Variants in SUCLG2 observed in about 807,000 individuals in gnomAD.
SUCLG2 encodes succinate--CoA ligase [GDP-forming] subunit beta, mitochondrial.
A neutral mutation model predicts 47.9 loss-of-function variants in SUCLG2; 42 were observed. That is an observed-to-expected ratio of 0.88 (90% CI 0.69 to 1.14). The LOEUF (loss-of-function observed/expected upper bound fraction) is 1.14. Among genes scored for constraint, SUCLG2 ranks in the 50% most tolerant of loss-of-function variants. The pLI, the probability that SUCLG2 is intolerant of heterozygous loss-of-function variation, is 0.00. For synonymous variants in SUCLG2, 195 were observed against 197.3 expected, an observed-to-expected ratio of 0.99 and a Z score of 0.10; for missense variants, 571 against 525.9, an observed-to-expected ratio of 1.09 and a Z score of -0.84.
At chr3:67,493,393 G>T (rs1477452616) in intron 9 of SUCLG2, among the ~76,000 whole-genome samples, 1 of 152,104 alleles carries the variant, frequency 6.6e-6, no homozygotes, top group Non-Finnish European at 1.5e-5. Flanking sequence ...ATCTACCCAA[G>T]ATGACAGTTA....
chr3:67,508,551 T>A (rs1489303627), intron 7 of SUCLG2, among the ~76,000 whole-genome samples: 1 of 152,212 alleles, frequency 6.6e-6, no homozygotes, highest in African/African-American at 2.4e-5. Flanking sequence ...ATTACAGGCA[T>A]GAGCCACCAC....
Position 67,527,577 on chromosome 3 carries a change from G to C in SUCLG2, c.417+555C>G, listed in dbSNP as rs567677454. ...TGACTGAGGCAGGCCACTTTCCTCTGGGCTTTATTTTCTATGTGTGGATGA... is the reference window on the plus strand; with the variant it reads ...TGACTGAGGCAGGCCACTTTCCTCTCGGCTTTATTTTCTATGTGTGGATGA... On this transcript the variant is annotated intron_variant, in intron 4 of 10. Transcript: ENST00000307227. Among the ~76,000 whole-genome samples, 15 of 152,200 alleles carry C rather than the reference G, an allele frequency of 9.9e-5. No individual in the cohort carries two copies. The East Asian group carries it at 2.7e-3, about 27-fold the overall frequency.
chr3:67,508,961 G>A, intron 6 of SUCLG2, 58 bp from the exon 7 acceptor site: 1 of 1,348,740 alleles, frequency 7.4e-7, no homozygotes, highest in African/African-American at 1.5e-5. Flanking sequence ...AATTTATTTT[G>A]CTGGATTAAT....
intron 2 of SUCLG2, among the ~76,000 whole-genome samples, chr3:67,533,902 A>G (rs1706467821): frequency 6.6e-6 from 1 of 151,718 alleles, no homozygotes; most frequent in Non-Finnish European, 1.5e-5. Context: ...CATGTCTGAC[A>G]TGGACTTTTC....
chr3:67,529,010 G>A, intron 3 of SUCLG2, 77 bp downstream of exon 3: 4 of 1,288,310 alleles, frequency 3.1e-6, no homozygotes, highest in Non-Finnish European at 4.4e-6. Flanking sequence ...ACCAACCTCA[G>A]TGTGCCTTTC....
At chr3:67,462,173 C>T (rs1414429812) in intron 9 of SUCLG2, among the ~76,000 whole-genome samples, 2 of 152,144 alleles carry the variant, frequency 1.3e-5, no homozygotes, top group Non-Finnish European at 2.9e-5. Context: ...ATCTCTCTCT[C>T]TCTCTCTCTG....
At chr3:67,541,642 T>G (rs544022949) in intron 2 of SUCLG2, among the ~76,000 whole-genome samples, 1 of 152,198 alleles carries the variant, frequency 6.6e-6, no homozygotes, top group South Asian at 2.1e-4. Flanking sequence ...CAGGCCAAAA[T>G]TCAAATTCAA....
intron 9 of SUCLG2, among the ~76,000 whole-genome samples, chr3:67,483,529 T>A (rs1046156137): frequency 6.6e-6 from 1 of 152,340 alleles, no homozygotes; most frequent in South Asian, 2.1e-4. Context: ...AGCAGATATA[T>A]TGCATAATTT....
intron 10 of SUCLG2, among the ~76,000 whole-genome samples, chr3:67,383,158 A>G (rs1053306958): frequency 6.6e-6 from 1 of 152,236 alleles, no homozygotes; most frequent in Non-Finnish European, 1.5e-5. Flanking sequence ...TTGGCCATCC[A>G]TGTGGCCTCA....
intron 9 of SUCLG2, among the ~76,000 whole-genome samples, chr3:67,450,340 G>C (rs537835016): frequency 6.6e-6 from 1 of 152,180 alleles, no homozygotes. Flanking sequence ...CCAAACCTGG[G>C]AAAATGTACA....
chr3:67,495,479 CTG>C (rs1222127393), intron 9 of SUCLG2, among the ~76,000 whole-genome samples: 1 of 151,992 alleles, frequency 6.6e-6, no homozygotes, highest in Admixed American at 6.6e-5. Context: ...ATGAGAAACC[CTG>C]TCTCTATTAA....
chr3:67,436,296 T>C (rs1381960767), intron 9 of SUCLG2, among the ~76,000 whole-genome samples: 1 of 152,206 alleles, frequency 6.6e-6, no homozygotes, highest in African/African-American at 2.4e-5. Flanking sequence ...TTAATGTTCC[T>C]GCTTTCCAGC....
intron 1 of SUCLG2, among the ~76,000 whole-genome samples, chr3:67,642,882 T>C (rs990926168): frequency 5.3e-5 from 8 of 151,554 alleles, no homozygotes; most frequent in African/African-American, 9.7e-5. Context: ...ACACCATTAA[T>C]AGCCATTGTA....
At chr3:67,442,192 A>C (rs1703783039) in intron 9 of SUCLG2, among the ~76,000 whole-genome samples, 1 of 151,020 alleles carries the variant, frequency 6.6e-6, no homozygotes, top group Non-Finnish European at 1.5e-5. Context: ...TTGTATTTTT[A>C]GTAGAGACGG....
At chr3:67,652,652 A>G (rs1424812562) in intron 1 of SUCLG2, among the ~76,000 whole-genome samples, 2 of 152,218 alleles carry the variant, frequency 1.3e-5, no homozygotes, top group Non-Finnish European at 2.9e-5. Flanking sequence ...TGGCATGCAG[A>G]TTAATTTGCA....
chr3:67,395,075 A>T (rs1702490876), intron 10 of SUCLG2, among the ~76,000 whole-genome samples: 1 of 152,192 alleles, frequency 6.6e-6, no homozygotes, highest in East Asian at 1.9e-4. Flanking sequence ...ATCATGCCAA[A>T]ATGTAAAGAC....
intron 9 of SUCLG2, among the ~76,000 whole-genome samples, chr3:67,443,193 C>T (rs1703816385): frequency 6.6e-6 from 1 of 152,130 alleles, no homozygotes; most frequent in Admixed American, 6.5e-5. Context: ...CATGTTATAT[C>T]AGGGACTTGA....
At chr3:67,590,178 A>T (rs919817535) in intron 2 of SUCLG2, among the ~76,000 whole-genome samples, 1 of 152,124 alleles carries the variant, frequency 6.6e-6, no homozygotes, top group Non-Finnish European at 1.5e-5. Context: ...TGTCCTGTCA[A>T]CACCTTATAT....
intron 1 of SUCLG2, among the ~76,000 whole-genome samples, chr3:67,642,918 C>CTGTGTGTGTGTGTG (rs3221813): frequency 3.4e-5 from 5 of 146,512 alleles, no homozygotes; most frequent in Non-Finnish European, 6.0e-5. Flanking sequence ...GAAAAGGACT[C>CTGTGTGTGTGTGTG]TGTGTGTGTG....
Sources: gnomAD v4.1 joint callset for allele counts (sites outside exome capture counted in the v4.1 genomes callset) on GRCh38, gnomAD v4.1.1 for gene constraint, MANE v1.5 for transcripts, NCBI Gene and HGNC (gene_info 2026-07-23, HGNC 2026-07-21) for gene names.